The following EHBP1 variants were observed in gnomAD, a reference collection of about 807,000 sequenced individuals.
EHBP1 encodes EH domain-binding protein 1.
A neutral mutation model predicts 144.0 loss-of-function variants in EHBP1; 55 were observed. The observed-to-expected ratio is 0.38, with a 90% CI of 0.31 to 0.48. EHBP1 has a LOEUF of 0.48. Among genes scored for constraint, EHBP1 ranks in the 20% least tolerant of loss-of-function variants. The pLI is 0.98. For synonymous variants in EHBP1, 469 were observed against 472.7 expected (o/e 0.99, Z 0.10); for missense variants, 1,200 against 1,364.2 (o/e 0.88, Z 1.90).
chr2:62,879,650 G>A (rs995163349), intron 10 of EHBP1, among the ~76,000 whole-genome samples: 5 of 151,170 alleles, frequency 3.3e-5, no homozygotes, highest in Non-Finnish European at 7.4e-5. Flanking sequence ...ACAGCTAACT[G>A]GGGAGGAGAA....
chr2:62,799,813 G>A (rs1012522422), intron 5 of EHBP1, among the ~76,000 whole-genome samples: 5 of 152,256 alleles, frequency 3.3e-5, no homozygotes, highest in South Asian at 4.2e-4. Flanking sequence ...GAAAAAAAGC[G>A]TGTACTCTAA....
At chr2:62,785,926 A>T (rs1260950331) in intron 5 of EHBP1, among the ~76,000 whole-genome samples, 1 of 151,764 alleles carries the variant, frequency 6.6e-6, no homozygotes, top group Non-Finnish European at 1.5e-5. Flanking sequence ...CATCCATCAG[A>T]GGTAGTGATC....
At chr2:62,939,188 A>G (rs1006944902) in intron 10 of EHBP1, among the ~76,000 whole-genome samples, 11 of 152,224 alleles carry the variant, frequency 7.2e-5, no homozygotes, top group African/African-American at 2.7e-4. Flanking sequence ...CTCTAAGAAG[A>G]TGATAAGTCC....
intron 19 of EHBP1, among the ~76,000 whole-genome samples, chr2:63,020,739 C>G (rs553710283): frequency 6.6e-6 from 1 of 151,156 alleles, no homozygotes; most frequent in African/African-American, 2.4e-5. Flanking sequence ...AGTGCAGTAG[C>G]GCGATCTCGG....
intron 10 of EHBP1, among the ~76,000 whole-genome samples, chr2:62,935,883 CT>C (rs984105721): frequency 6.6e-6 from 1 of 152,266 alleles, no homozygotes; most frequent in African/African-American, 2.4e-5. Context: ...TCTTCTGCAT[CT>C]GTTTAGATGA....
intron 2 of EHBP1, among the ~76,000 whole-genome samples, chr2:62,715,901 A>C (rs921443539): frequency 2.0e-5 from 3 of 152,180 alleles, no homozygotes; most frequent in African/African-American, 7.2e-5. Context: ...ACAACAAACT[A>C]ATCTTTACCC....
chr2:63,043,760 G>C (rs938650791), intron 21 of EHBP1, among the ~76,000 whole-genome samples: 1 of 151,688 alleles, frequency 6.6e-6, no homozygotes, highest in African/African-American at 2.4e-5. Flanking sequence ...GGTGTGCATT[G>C]TTAGGTTTAT....
chr2:62,839,764 A>G lies in EHBP1; in HGVS notation c.634+8606A>G, dbSNP rs536498797. 7.2e-5 allele frequency among the ~76,000 whole-genome samples: 11 copies of G among 152,346 alleles called. No individual in the cohort carries two copies. The East Asian group carries it at 1.9e-3, about 27-fold the overall frequency. ...TTGCTTCAAAGAGAATAAAATACCT[A>G]GGAATCCAACTTAAAAGGGATGTGA... On this transcript the variant is annotated intron_variant, in intron 7 of 22. Coordinates refer to ENST00000431489, the MANE Select transcript of EHBP1 (RefSeq NM_001142616.3).
chr2:62,888,115 G>A (rs1285151120), intron 10 of EHBP1, among the ~76,000 whole-genome samples: 3 of 152,184 alleles, frequency 2.0e-5, no homozygotes, highest in Non-Finnish European at 4.4e-5. Context: ...ATTGTCTTAG[G>A]TTGGAACAAG....
At chr2:62,891,978 T>C (rs2052496765) in intron 10 of EHBP1, among the ~76,000 whole-genome samples, 1 of 152,156 alleles carries the variant, frequency 6.6e-6, no homozygotes, top group Non-Finnish European at 1.5e-5. Flanking sequence ...AGTATGTGAC[T>C]TTAACTGGTA....
intron 6 of EHBP1, among the ~76,000 whole-genome samples, chr2:62,829,737 T>C (rs1187395952): frequency 1.4e-5 from 2 of 147,164 alleles, no homozygotes; most frequent in Admixed American, 1.4e-4. Flanking sequence ...TATAATTATT[T>C]ATATATTTAT....
At chr2:62,986,702 G>A (rs991112580) in intron 15 of EHBP1, among the ~76,000 whole-genome samples, 12 of 152,010 alleles carry the variant, frequency 7.9e-5, no homozygotes, top group African/African-American at 2.9e-4. Flanking sequence ...CTCCCAAAGT[G>A]CTGGTATTAC....
intron 21 of EHBP1, among the ~76,000 whole-genome samples, chr2:63,039,412 T>C (rs1179628983): frequency 2.6e-5 from 4 of 152,162 alleles, no homozygotes; most frequent in Admixed American, 2.6e-4. Flanking sequence ...TATCTGGCAT[T>C]TACTATATAT....
intron 13 of EHBP1, 95 bp from the exon 14 acceptor site, chr2:62,955,422 T>C (rs1574229923): frequency 8.4e-7 from 1 of 1,183,910 alleles, no homozygotes; most frequent in East Asian, 2.5e-5. Context: ...TCATAATCTC[T>C]ATTATTTCAG....
chr2:63,026,295 TGTGTGTGTG>T (rs1330262763), intron 19 of EHBP1, among the ~76,000 whole-genome samples: 1 of 1,786 alleles, frequency 5.6e-4, no homozygotes, highest in Non-Finnish European at 1.4e-3. Context: ...CTCTCTACCT[TGTGTGTGTG>T]TGTGTGTGTG....
intron 10 of EHBP1, among the ~76,000 whole-genome samples, chr2:62,900,877 A>G (rs965635812): frequency 2.6e-5 from 4 of 151,998 alleles, no homozygotes; most frequent in African/African-American, 9.7e-5. Context: ...AGTATATCTT[A>G]TGTATTTGAT....
intron 5 of EHBP1, among the ~76,000 whole-genome samples, chr2:62,776,700 G>A (rs1426989920): frequency 1.3e-5 from 2 of 151,910 alleles, no homozygotes; most frequent in African/African-American, 4.8e-5. Flanking sequence ...TTTAATCTAG[G>A]ATTAACAACA....
At chr2:62,759,486 GC>G (rs2152295221) in intron 3 of EHBP1, among the ~76,000 whole-genome samples, 1 of 151,992 alleles carries the variant, frequency 6.6e-6, no homozygotes, top group Non-Finnish European at 1.5e-5. Flanking sequence ...GCTCACTGTA[GC>G]CTCCACCTCC....
chr2:62,674,968 G>C (rs999361623), intron 1 of EHBP1, among the ~76,000 whole-genome samples: 1 of 152,090 alleles, frequency 6.6e-6, no homozygotes, highest in African/African-American at 2.4e-5. Context: ...GGTTAACCTT[G>C]GTCAAAAAAG....
Sources: allele counts gnomAD v4.1 joint callset (sites outside exome capture counted in the v4.1 genomes callset), GRCh38; gene constraint gnomAD v4.1.1; transcripts MANE v1.5; gene names NCBI Gene and HGNC (gene_info 2026-07-23, HGNC 2026-07-21).